Variants in OBP2B observed in about 807,000 individuals in gnomAD.
OBP2B encodes the protein odorant binding protein 2B.
Under a neutral mutation model 21.7 loss-of-function variants are expected in OBP2B, and 10 were observed. The ratio of observed to expected loss-of-function variants is 0.46; its 90% CI spans 0.28 to 0.78. The LOEUF (loss-of-function observed/expected upper bound fraction) is 0.78, where lower values mean the gene tolerates loss of function less well. Among genes scored for constraint, OBP2B ranks in the 30% least tolerant of loss-of-function variants. The probability of loss-of-function intolerance (pLI) is 0.11; values close to 1 mark genes in which losing one functional copy is unlikely to be tolerated. For missense variants in OBP2B, 153 were observed against 217.7 expected (o/e 0.70, Z 1.87); for synonymous variants, 73 against 91.5 (o/e 0.80, Z 1.16).
chr9:133,221,021 T>G, the OBP2B span, among the ~76,000 whole-genome samples: 1 of 152,178 alleles, frequency 6.6e-6, no homozygotes, highest in African/African-American at 2.4e-5. Flanking sequence ...GAACCAGCCC[T>G]GCCAACCTTC....
the OBP2B span, among the ~76,000 whole-genome samples, chr9:133,222,124 G>A: frequency 6.6e-5 from 10 of 151,924 alleles, no homozygotes; most frequent in African/African-American, 2.4e-4. Flanking sequence ...GTGCGTATGT[G>A]CTGAGTGTGT....
chr9:133,208,133 A>C lies in OBP2B; in HGVS notation c.277T>G (p.Tyr93Asp). 6.2e-7 allele frequency: 1 copy of C among 1,610,330 alleles called. No homozygotes were observed. The highest frequency in any genetic ancestry group is 8.5e-7 in the Non-Finnish European group (1 of 1,179,310). ...KTEEPGKYSA[Y>D]GGRKLMYLQE... is the part of the protein sequence containing the mutation. The stretch of plus-strand genomic sequence containing the variant: ...GGGTGGGAGTGGGGGAGGGGCTCAC[A>C]GGCGCTGTATTTGCCAGGCTCCTCC... The change falls in exon 3 of 7, where the codon TAT (tyrosine) becomes GAT (aspartate). Residue 93 changes from tyrosine (Y) to aspartate (D), a missense_variant and splice_region_variant. Around this residue, in one of 2 missense-constraint regions of OBP2B, gnomAD observed 151 missense variants for 186.3 expected, o/e 0.81. Coordinates refer to ENST00000372034, the MANE Select transcript of OBP2B (RefSeq NM_014581.4).
chr9:133,209,638 C>T (rs1199043325), upstream of OBP2B, among the ~76,000 whole-genome samples: 2 of 152,158 alleles, frequency 1.3e-5, no homozygotes, highest in African/African-American at 4.8e-5. This position sits in a 1 kb window ranked among gnomAD's most constrained non-coding sequence, Gnocchi z 6.0. Flanking sequence ...TGGCCATCTC[C>T]CTGCTGAGCA....
Position 133,207,237 on chromosome 9 carries a change from C to G in OBP2B, c.377G>C (p.Gly126Ala), listed in dbSNP as rs782346937. 14 of 1,611,212 alleles carry G rather than the reference C, an allele frequency of 8.7e-6. No individual in the cohort carries two copies. The highest frequency in any genetic ancestry group is 9.3e-6 in the Non-Finnish European group (11 of 1,177,366). The change falls in exon 4 of 7, where the codon GGA (glycine) becomes GCA (alanine). Residue 126 changes from glycine (G) to alanine (A), a missense_variant. Transcript: ENST00000372034. ...AGCAAGCCCCTCACCCACAAGCTTT[C>G]CCATGTGGAGCAGGCCCCCATGGTG... ...DQHHGGLLHM[G>A]KLVGRNSDTN... is the part of the protein sequence containing the mutation.
the OBP2B span, among the ~76,000 whole-genome samples, chr9:133,220,677 C>CT: frequency 6.6e-6 from 1 of 152,028 alleles, no homozygotes; most frequent in African/African-American, 2.4e-5. Flanking sequence ...TAATGGTCCC[C>CT]TAAAGATGTC....
the OBP2B span, among the ~76,000 whole-genome samples, chr9:133,221,916 G>A: frequency 1.3e-5 from 2 of 151,886 alleles, no homozygotes; most frequent in African/African-American, 2.4e-5. Flanking sequence ...TGAACCTGCC[G>A]GGGCAGAATC....
chr9:133,220,969 G>A, the OBP2B span, among the ~76,000 whole-genome samples: 1 of 152,196 alleles, frequency 6.6e-6, no homozygotes, highest in Non-Finnish European at 1.5e-5. Context: ...TCTGGAAGCT[G>A]GAAATGGCAG....
chr9:133,222,031 C>T, the OBP2B span, among the ~76,000 whole-genome samples: 3 of 152,156 alleles, frequency 2.0e-5, no homozygotes, highest in East Asian at 1.9e-4. Context: ...CATCTTACCC[C>T]GAGGCAGTTG....
chr9:133,207,778 C>A, intron 3 of OBP2B: 1 of 1,091,892 alleles, frequency 9.2e-7, no homozygotes, highest in Non-Finnish European at 1.3e-6. Context: ...CCATCCTTAA[C>A]CCTCAGCTTC....
the OBP2B span, among the ~76,000 whole-genome samples, chr9:133,214,694 G>A: frequency 5.9e-5 from 9 of 152,282 alleles, no homozygotes; most frequent in South Asian, 2.1e-4. Flanking sequence ...TTAGATAAGC[G>A]AGCACTGCTC....
chr9:133,211,885 T>C (rs563859408), upstream of OBP2B, among the ~76,000 whole-genome samples: 1 of 152,284 alleles, frequency 6.6e-6, no homozygotes, highest in African/African-American at 2.4e-5. Context: ...ATGTAAATGG[T>C]TTAAATATTA....
At chr9:133,222,729 AC>A in the OBP2B span, among the ~76,000 whole-genome samples, 11 of 152,144 alleles carry the variant, frequency 7.2e-5, no homozygotes, top group African/African-American at 1.9e-4. Context: ...AGACTCCAAA[AC>A]AAAAAAAAAG....
intron 1 of OBP2B, among the ~76,000 whole-genome samples, chr9:133,208,837 C>CG (rs1564287121): frequency 6.6e-6 from 1 of 152,018 alleles, no homozygotes. Context: ...CATGGACCCC[C>CG]GGGCCCCAGC....
upstream of OBP2B, among the ~76,000 whole-genome samples, chr9:133,209,670 C>A (rs1275508187): frequency 6.6e-6 from 1 of 152,134 alleles, no homozygotes; most frequent in Non-Finnish European, 1.5e-5. This position sits in a 1 kb window ranked among gnomAD's most constrained non-coding sequence, Gnocchi z 6.0. Context: ...GGCTTTAGAA[C>A]CAGAGAGACG....
intron 6 of OBP2B, 98 bp downstream of exon 6, chr9:133,205,819 G>T: frequency 5.1e-6 from 8 of 1,564,552 alleles, no homozygotes; most frequent in Non-Finnish European, 6.2e-6. Flanking sequence ...GGGTCTCCCT[G>T]GCTGTGTGGG....
At chr9:133,210,037 C>A (rs1833881735), upstream of OBP2B, among the ~76,000 whole-genome samples, 1 of 152,186 alleles carries the variant, frequency 6.6e-6, no homozygotes, top group Non-Finnish European at 1.5e-5. Context: ...CCCCCAGCCC[C>A]CAGGACAGGC....
chr9:133,212,709 T>A (rs1234662221), upstream of OBP2B, among the ~76,000 whole-genome samples: 1 of 152,166 alleles, frequency 6.6e-6, no homozygotes, highest in Non-Finnish European at 1.5e-5. Context: ...GGCGGGTGGA[T>A]CACTTGCGAT....
At chr9:133,215,556 T>C in the OBP2B span, among the ~76,000 whole-genome samples, 1 of 152,132 alleles carries the variant, frequency 6.6e-6, no homozygotes, top group Non-Finnish European at 1.5e-5. Flanking sequence ...TCTTGCTCTG[T>C]CACCCAGGCT....
At chr9:133,213,330 G>A (rs2119410699), upstream of OBP2B, among the ~76,000 whole-genome samples, 1 of 152,166 alleles carries the variant, frequency 6.6e-6, no homozygotes. Flanking sequence ...GAAAAGAGAA[G>A]TCCAAAATCA....
Sources: allele counts gnomAD v4.1 joint callset (sites outside exome capture counted in the v4.1 genomes callset), GRCh38; gene constraint gnomAD v4.1.1; regional missense constraint gnomAD v4.1.1; non-coding constraint Gnocchi (gnomAD v3.1); transcripts MANE v1.5; gene names NCBI Gene and HGNC (gene_info 2026-07-23, HGNC 2026-07-21).